The following CEP112 variants were observed in gnomAD, a reference collection of about 807,000 sequenced individuals.
The protein encoded by CEP112 is centrosomal protein of 112 kDa.
CEP112 carries 127 observed loss-of-function variants against 153.0 expected under a neutral mutation model. The observed-to-expected ratio is 0.83, with a 90% CI of 0.72 to 0.96. The LOEUF is 0.96. CEP112 is among the 40% of genes least tolerant of loss of function. CEP112 has a pLI of 0.00. For synonymous variants in CEP112, 358 were observed against 374.4 expected (o/e 0.96, Z 0.51); for missense variants, 1,089 against 1,101.2 (o/e 0.99, Z 0.16).
chr17:65,859,070 G>GA (rs1388100215), intron 20 of CEP112, among the ~76,000 whole-genome samples: 2 of 152,044 alleles, frequency 1.3e-5, no homozygotes, highest in African/African-American at 4.8e-5. Flanking sequence ...TTATCTTATG[G>GA]AAAAAACTGA....
chr17:66,038,384 C>T (rs1224859498), intron 12 of CEP112, among the ~76,000 whole-genome samples: 3 of 151,972 alleles, frequency 2.0e-5, no homozygotes, highest in Non-Finnish European at 2.9e-5. Context: ...TTTCTGAACA[C>T]TAATGTTCTA....
chr17:65,895,958 A>G (rs1380188217), intron 20 of CEP112, among the ~76,000 whole-genome samples: 1 of 152,220 alleles, frequency 6.6e-6, no homozygotes, highest in East Asian at 1.9e-4. Flanking sequence ...TCTCTTCCAT[A>G]TTTAATTACC....
intron 1 of CEP112, 85 bp from the exon 2 acceptor site, chr17:66,183,392 A>T: frequency 1.1e-6 from 1 of 889,968 alleles, no homozygotes; most frequent in Non-Finnish European, 1.7e-6. Flanking sequence ...AAAAACTCTT[A>T]AGTGTTAGAT....
chr17:66,150,152 G>A (rs1411745336), intron 4 of CEP112, among the ~76,000 whole-genome samples: 3 of 146,614 alleles, frequency 2.0e-5, no homozygotes, highest in Admixed American at 6.9e-5. Context: ...CGCCCACCTC[G>A]GCCTCCCAAA....
chr17:66,021,398 G>A (rs1193232894), intron 16 of CEP112, among the ~76,000 whole-genome samples: 2 of 152,168 alleles, frequency 1.3e-5, no homozygotes. Context: ...CTCCTTCATA[G>A]ACCGAAATAG....
intron 17 of CEP112, among the ~76,000 whole-genome samples, chr17:65,969,081 G>GA (rs2062525867): frequency 4.1e-5 from 2 of 48,208 alleles, no homozygotes; most frequent in African/African-American, 1.4e-4. Context: ...TGTGTGTGTG[G>GA]ATTTTTTTTT....
intron 21 of CEP112, among the ~76,000 whole-genome samples, chr17:65,837,626 T>A (rs1011145366): frequency 6.6e-6 from 1 of 152,160 alleles, no homozygotes; most frequent in Non-Finnish European, 1.5e-5. Context: ...ATGATGACGA[T>A]GGCAGTTTTG....
At chr17:65,923,593 T>C (rs1460678336) in intron 19 of CEP112, among the ~76,000 whole-genome samples, 1 of 152,184 alleles carries the variant, frequency 6.6e-6, no homozygotes, top group African/African-American at 2.4e-5. Flanking sequence ...TATTCCATTT[T>C]AATGTTTCTT....
intron 19 of CEP112, among the ~76,000 whole-genome samples, chr17:65,918,491 T>C (rs1424704244): frequency 6.6e-6 from 1 of 152,230 alleles, no homozygotes; most frequent in Non-Finnish European, 1.5e-5. Flanking sequence ...TAAGCACTTA[T>C]TCTTTCTGGA....
intron 21 of CEP112, among the ~76,000 whole-genome samples, chr17:65,798,955 A>C (rs2055099113): frequency 6.6e-6 from 1 of 152,206 alleles, no homozygotes; most frequent in South Asian, 2.1e-4. Context: ...TACACAAAAA[A>C]TGAACTAACT....
chr17:66,166,951 T>C (rs1345990286), intron 4 of CEP112, among the ~76,000 whole-genome samples: 1 of 148,884 alleles, frequency 6.7e-6, no homozygotes, highest in Non-Finnish European at 1.5e-5. Flanking sequence ...GCTTCAAATA[T>C]ATGGCGTGAA....
intron 17 of CEP112, among the ~76,000 whole-genome samples, chr17:65,999,832 G>C (rs1191601161): frequency 1.3e-5 from 2 of 152,022 alleles, no homozygotes; most frequent in African/African-American, 4.8e-5. Context: ...TTGGTTTTCT[G>C]TTCCCGCATT....
At chr17:65,641,151 T>C in intron 24 of CEP112, 86 bp from the exon 25 acceptor site, 1 of 748,026 alleles carries the variant, frequency 1.3e-6, no homozygotes, top group Non-Finnish European at 2.3e-6. Flanking sequence ...GATCTGTTCA[T>C]CACAATGAAA....
chr17:65,737,995 C>T (rs1043464955), intron 23 of CEP112, among the ~76,000 whole-genome samples: 4 of 152,118 alleles, frequency 2.6e-5, no homozygotes, highest in Admixed American at 2.0e-4. Context: ...CTTAAATGCT[C>T]GATGAGCCGT....
chr17:65,981,052 G>C (rs760657169), intron 17 of CEP112, among the ~76,000 whole-genome samples: 8 of 152,094 alleles, frequency 5.3e-5, no homozygotes, highest in Non-Finnish European at 1.2e-4. Context: ...CTGACCTCAG[G>C]TGATCCACCC....
At chr17:65,870,085 A>AAAG (rs2058619644) in intron 20 of CEP112, among the ~76,000 whole-genome samples, 2 of 146,984 alleles carry the variant, frequency 1.4e-5, no homozygotes, top group African/African-American at 5.0e-5. Context: ...AAGAAAGAAA[A>AAAG]GAAAGAAAGA....
intron 18 of CEP112, among the ~76,000 whole-genome samples, chr17:65,946,596 A>G (rs1003993836): frequency 6.6e-6 from 1 of 152,222 alleles, no homozygotes; most frequent in African/African-American, 2.4e-5. Flanking sequence ...ATCTGATAAC[A>G]TAAGTTCTCC....
chr17:66,102,097 T>C (rs1313304616), intron 6 of CEP112, among the ~76,000 whole-genome samples: 1 of 152,178 alleles, frequency 6.6e-6, no homozygotes, highest in African/African-American at 2.4e-5. Flanking sequence ...ACAAAAAATC[T>C]GAGAGTACAT....
chr17:65,811,772 T>G (rs2055972054), intron 21 of CEP112, among the ~76,000 whole-genome samples: 1 of 152,078 alleles, frequency 6.6e-6, no homozygotes, highest in African/African-American at 2.4e-5. Context: ...TAAATGAAAA[T>G]TTCTTGAAAA....
Sources: gnomAD v4.1 joint callset for allele counts (sites outside exome capture counted in the v4.1 genomes callset) on GRCh38, gnomAD v4.1.1 for gene constraint, MANE v1.5 for transcripts, NCBI Gene and HGNC (gene_info 2026-07-23, HGNC 2026-07-21) for gene names.